PIGN: variants seen among roughly 807,000 people sequenced by gnomAD.
PIGN encodes the protein GPI ethanolamine phosphate transferase 1.
A neutral mutation model predicts 125.4 loss-of-function variants in PIGN; 117 were observed. That is an observed-to-expected ratio of 0.93 (90% CI 0.80 to 1.09). PIGN has a LOEUF of 1.09. Ranked by LOEUF, PIGN falls within the 50% of genes least tolerant of loss-of-function variation. The probability of loss-of-function intolerance (pLI) is 0.00; values close to 1 mark genes in which losing one functional copy is unlikely to be tolerated. For missense variants in PIGN, 1,075 were observed against 1,094.9 expected, an observed-to-expected ratio of 0.98 and a Z score of 0.26; for synonymous variants, 392 against 377.8, an observed-to-expected ratio of 1.04 and a Z score of -0.44.
chr18:62,069,684 C>G (rs990752686), intron 30 of PIGN: 3 of 152,136 alleles, frequency 2.0e-5, no homozygotes, highest in African/African-American at 7.2e-5. Context: ...TTGCCAGGGG[C>G]TGATGAGCGG....
At chr18:62,079,775 TAACAC>T (rs1425898282) in intron 28 of PIGN, among the ~76,000 whole-genome samples, 1 of 148,386 alleles carries the variant, frequency 6.7e-6, no homozygotes, top group East Asian at 2.0e-4. Flanking sequence ...TAAAAACAAA[TAACAC>T]AAAAAGTTTC....
chr18:62,157,861 A>C, intron 4 of PIGN, 53 bp from the exon 5 acceptor site: 3 of 1,491,178 alleles, frequency 2.0e-6, no homozygotes, highest in Non-Finnish European at 2.8e-6. Flanking sequence ...AGATACTCTC[A>C]CATAAAGCTT....
chr18:62,131,827 C>T (rs554869848), intron 14 of PIGN, among the ~76,000 whole-genome samples: 3 of 152,138 alleles, frequency 2.0e-5, no homozygotes, highest in East Asian at 1.9e-4. Flanking sequence ...CATAACTATG[C>T]TAGAAAAGAC....
In PIGN at chr18:62,144,158, T is replaced by C. The variant is rs185646133; in HGVS notation, c.923-812A>G. On this transcript the variant is annotated intron_variant, in intron 10 of 30. Coordinates refer to ENST00000640252, the MANE Select transcript of PIGN (RefSeq NM_176787.5). ...CATATGAGAAAAAATACATTTCTGA[T>C]GATTCTTGAAATCATGTGATTCTAA... Among the ~76,000 whole-genome samples, 26 of 152,358 alleles carry C rather than the reference T, an allele frequency of 1.7e-4. No individual in the cohort carries two copies. In the East Asian group the frequency reaches 4.2e-3, roughly 25 times the overall value.
downstream of PIGN, among the ~76,000 whole-genome samples, chr18:62,040,488 G>A (rs116516696): frequency 4.5e-3 from 683 of 152,312 alleles, 8 homozygotes; most frequent in African/African-American, 0.016. Flanking sequence ...GGGTTTATGA[G>A]CACTGGGGAG....
intron 14 of PIGN, among the ~76,000 whole-genome samples, chr18:62,117,032 G>A (rs2035112824): frequency 6.6e-6 from 1 of 151,956 alleles, no homozygotes; most frequent in Admixed American, 6.6e-5. Context: ...ACAGGAGTCA[G>A]GGTAATTTGT....
intron 1 of PIGN, among the ~76,000 whole-genome samples, chr18:62,176,079 G>A (rs1315557382): frequency 1.3e-5 from 2 of 152,032 alleles, no homozygotes; most frequent in African/African-American, 2.4e-5. Flanking sequence ...TATTTAATGA[G>A]ATATATAACT....
chr18:62,151,154 T>C (rs1047761847), intron 7 of PIGN, among the ~76,000 whole-genome samples: 4 of 152,120 alleles, frequency 2.6e-5, no homozygotes, highest in Non-Finnish European at 5.9e-5. Context: ...CATCCTAAAT[T>C]GAAACTATTG....
At chr18:62,088,674 T>C (rs1396080150) in intron 25 of PIGN, 82 bp downstream of exon 25, 2 of 765,796 alleles carry the variant, frequency 2.6e-6, no homozygotes, top group Non-Finnish European at 4.6e-6. Context: ...TATTAAGTGA[T>C]GGGCAGAAAC....
At chr18:62,070,430 G>A (rs2032776200) in intron 30 of PIGN, 1 of 398,290 alleles carries the variant, frequency 2.5e-6, no homozygotes, top group Admixed American at 4.4e-5. Flanking sequence ...TCCAATCCTG[G>A]ATCTGAGAGC....
intron 22 of PIGN, among the ~76,000 whole-genome samples, chr18:62,098,062 G>T (rs922292213): frequency 6.6e-6 from 1 of 152,170 alleles, no homozygotes; most frequent in African/African-American, 2.4e-5. Context: ...TTACCCACCT[G>T]TCAAATAGAG....
chr18:62,155,734 A>T (rs2036705950), intron 6 of PIGN, among the ~76,000 whole-genome samples: 1 of 117,742 alleles, frequency 8.5e-6, no homozygotes, highest in African/African-American at 3.0e-5. Context: ...ATGGAACATT[A>T]GACTATCTCT....
intron 23 of PIGN, among the ~76,000 whole-genome samples, chr18:62,091,262 G>A (rs1355038795): frequency 6.6e-6 from 1 of 152,166 alleles, no homozygotes; most frequent in Non-Finnish European, 1.5e-5. Context: ...GGAGAATCAC[G>A]TGAACCCGGG....
At chr18:62,058,348 C>G (rs903130278) in intron 30 of PIGN, among the ~76,000 whole-genome samples, 6 of 152,160 alleles carry the variant, frequency 3.9e-5, no homozygotes, top group African/African-American at 1.4e-4. Context: ...GGCTGTGCAG[C>G]TGTGACTACC....
chr18:62,173,823 A>G (rs1428539044), intron 1 of PIGN, among the ~76,000 whole-genome samples: 6 of 152,200 alleles, frequency 3.9e-5, no homozygotes. Context: ...CAACCACCTA[A>G]TTAATTCTCT....
At chr18:62,032,402 A>AGCATAT (rs1490801215) in intron 23 of PIGN, among the ~76,000 whole-genome samples, 2 of 152,276 alleles carry the variant, frequency 1.3e-5, no homozygotes, top group African/African-American at 4.8e-5. Context: ...TCTGGAACGC[A>AGCATAT]GCTGGCATAT....
rs769841741 is a variant in PIGN at position 62,096,017 on chromosome 18, G to A, written c.2078-67C>T. ...ACAAAAAAAATGTTAGCGTAGGGCC[G>A]GGCGTGGTGGCTCACACCTGTAATC... On this transcript the variant is annotated intron_variant, in intron 22 of 30. Coordinates refer to ENST00000640252, the MANE Select transcript of PIGN (RefSeq NM_176787.5). The A allele has an allele frequency of 2.5e-4, 241 of 973,170 alleles. No individual in the cohort carries two copies. The Admixed American group carries it at 2.7e-3, about 11-fold the overall frequency. The allele number at this position is 973,170 out of a possible 1,614,324, so 60.3% of individuals were successfully genotyped here.
intron 14 of PIGN, among the ~76,000 whole-genome samples, chr18:62,125,111 CATATGTGTATATAAAT>C (rs749465395): frequency 0.16 from 23,192 of 144,382 alleles, 2,890 homozygotes; most frequent in Middle Eastern, 0.26. Flanking sequence ...CACGTTTGTA[CATATGTGTATATAAAT>C]ATACACGTTT....
chr18:62,117,399 A>G (rs1290139785), intron 14 of PIGN, among the ~76,000 whole-genome samples: 1 of 152,102 alleles, frequency 6.6e-6, no homozygotes, highest in Non-Finnish European at 1.5e-5. Flanking sequence ...AAGGAATGCC[A>G]TATGTGAACT....
Sources: allele counts gnomAD v4.1 joint callset (sites outside exome capture counted in the v4.1 genomes callset), GRCh38; gene constraint gnomAD v4.1.1; transcripts MANE v1.5; gene names NCBI Gene and HGNC (gene_info 2026-07-23, HGNC 2026-07-21).